The following BID variants were observed in gnomAD, a reference collection of about 807,000 sequenced individuals.
BID encodes BH3-interacting domain death agonist.
BID carries 19 observed loss-of-function variants against 17.4 expected under a neutral mutation model. The ratio of observed to expected loss-of-function variants is 1.09; its 90% CI spans 0.76 to 1.60. The LOEUF (loss-of-function observed/expected upper bound fraction) is 1.60. Ranked by LOEUF, BID falls within the 40% of genes most tolerant of loss-of-function variation. The pLI is 0.00. For synonymous variants in BID, 108 were observed against 102.8 expected (o/e 1.05, Z -0.31); for missense variants, 226 against 256.0 (o/e 0.88, Z 0.80).
chr22:17,770,610 C>G (rs902400165), intron 1 of BID, among the ~76,000 whole-genome samples: 1 of 152,232 alleles, frequency 6.6e-6, no homozygotes, highest in Non-Finnish European at 1.5e-5. Flanking sequence ...AGAAATAGAG[C>G]AACTACTGCC....
In BID at chr22:17,773,442, C is replaced by G. The variant is rs570708652; in HGVS notation, c.-59+939G>C. On this transcript the variant is annotated intron_variant, in intron 1 of 5. Transcript: ENST00000622694. This position sits in a 1 kb window ranked among gnomAD's most constrained non-coding sequence, Gnocchi z 4.4. ...AAAACCGCATCCTCTGCAGCTCCCCCACAGTGAGAGCGAGGACTGAGGGTG... is the reference window on the plus strand; with the variant it reads ...AAAACCGCATCCTCTGCAGCTCCCCGACAGTGAGAGCGAGGACTGAGGGTG... Among the ~76,000 whole-genome samples the G allele has an allele frequency of 5.9e-5, 9 of 152,302 alleles. No homozygotes were observed. The East Asian group carries it at 1.7e-3, about 29-fold the overall frequency.
In BID at chr22:17,738,074, T is replaced by G. The variant is rs765851664; in HGVS notation, c.519A>C (p.Thr173=). The change falls in exon 5 of 6, where the codon ACA becomes ACC. Residue 173 remains threonine, a synonymous_variant. Transcript: ENST00000622694. ...TPSLLRDVFH[T]TVNFINQNLR... ...GGTTCTGGTTAATAAAATTCACTGT[T>G]GTGTGAAAGACATCACGGAGCAAGG... The G allele has an allele frequency of 1.2e-6, 2 of 1,614,032 alleles. No individual in the cohort carries two copies. The highest frequency in any genetic ancestry group is 2.7e-5 in the African/African-American group (2 of 74,920).
At chr22:17,740,173 G>T (rs186707456) in intron 3 of BID, 3 of 1,611,368 alleles carry the variant, frequency 1.9e-6, no homozygotes, top group Non-Finnish European at 2.5e-6. Flanking sequence ...ATTGTCTGAC[G>T]CCCCTGCCAG....
At chr22:17,735,859 C>T (rs1331338553) in intron 5 of BID, among the ~76,000 whole-genome samples, 1 of 152,218 alleles carries the variant, frequency 6.6e-6, no homozygotes, top group East Asian at 1.9e-4. Context: ...ACGATTCTGC[C>T]TCAGCCCTCA....
chr22:17,750,417 T>C (rs1159551978), intron 1 of BID, among the ~76,000 whole-genome samples: 1 of 152,220 alleles, frequency 6.6e-6, no homozygotes, highest in East Asian at 1.9e-4. Context: ...AGCCCTCCCA[T>C]GCCGCCCCAG....
Position 17,749,890 on chromosome 22 carries a change from G to A in BID, c.12+215C>T, listed in dbSNP as rs139773029. On this transcript the variant is annotated intron_variant, in intron 2 of 5. Transcript: ENST00000622694. Reference sequence around the variant, plus strand: ...GGTGTGGAGGGGCTGCACCACAAGCGGAGTGCGAGGAAGGCGCAGGACAGG... The same window carrying A: ...GGTGTGGAGGGGCTGCACCACAAGCAGAGTGCGAGGAAGGCGCAGGACAGG... Among the ~76,000 whole-genome samples, 760 of 152,304 alleles carry A rather than the reference G, an allele frequency of 5.0e-3. 2 individuals carry two copies. Among genetic ancestry groups the A allele is most frequent in the African/African-American group, 0.017 (723 of 41,566 alleles).
intron 3 of BID, chr22:17,741,082 C>T (rs2061455803): frequency 6.6e-6 from 1 of 152,176 alleles, no homozygotes; most frequent in Non-Finnish European, 1.5e-5. Context: ...TCAAATCTCA[C>T]CTTATGTTGC....
At position 17,773,940 on chromosome 22, in the gene BID, A is replaced by G. The variant is rs939200007; in HGVS notation, c.-59+441T>C. Reference sequence around the variant, plus strand: ...AGCCGGCAGGTGTCTGCGGTGCTGGAAAGACCACGGTGTGGGCGGGGATTC... The same window carrying G: ...AGCCGGCAGGTGTCTGCGGTGCTGGGAAGACCACGGTGTGGGCGGGGATTC... On this transcript the variant is annotated intron_variant, in intron 1 of 5. Transcript: ENST00000622694. The surrounding 1 kb of genome is among the most constrained non-coding windows in gnomAD (Gnocchi z 4.4). 3.6e-5 allele frequency: 20 copies of G among 562,334 alleles called. No homozygotes were observed. Among genetic ancestry groups the G allele is most frequent in the African/African-American group, 2.1e-4 (11 of 52,272 alleles). 34.8% of individuals were successfully genotyped at this position (562,334 alleles called of 1,614,324 possible). A position where few individuals can be genotyped will look rare whatever the true frequency, so the allele number is the denominator to read the frequency against.
intron 5 of BID, among the ~76,000 whole-genome samples, chr22:17,735,829 C>T (rs1292176834): frequency 6.6e-6 from 1 of 152,036 alleles, no homozygotes; most frequent in Non-Finnish European, 1.5e-5. Flanking sequence ...TCAGGAGGCC[C>T]CTGCTGGGTC....
chr22:17,735,309 G>A lies in BID; in HGVS notation c.*271C>T. 1 of 470,066 alleles carries A rather than the reference G, an allele frequency of 2.1e-6. No homozygotes were observed. Among genetic ancestry groups the A allele is most frequent in the Non-Finnish European group, 3.8e-6 (1 of 264,456 alleles). 29.1% of individuals were successfully genotyped at this position (470,066 alleles called of 1,614,324 possible). A position where few individuals can be genotyped will look rare whatever the true frequency, so the allele number is the denominator to read the frequency against. ...CACAGTGGAAATAAAGGCACCGTGT[G>A]TAGATTTACAGATGTGCAGATTCAT... On this transcript the variant is annotated 3_prime_UTR_variant, in exon 6 of 6. Coordinates refer to ENST00000622694, the MANE Select transcript of BID (RefSeq NM_001196.4).
chr22:17,760,689 C>T (rs5747346), intron 1 of BID, among the ~76,000 whole-genome samples: 4 of 152,034 alleles, frequency 2.6e-5, no homozygotes, highest in African/African-American at 7.2e-5. Context: ...CCTGGCCCGG[C>T]GCGCTGGGGT....
intron 2 of BID, 90 bp from the exon 3 acceptor site, chr22:17,744,103 G>A: frequency 1.7e-6 from 2 of 1,206,830 alleles, no homozygotes; most frequent in Admixed American, 3.7e-5. Flanking sequence ...GGCCCAAAGA[G>A]CCTCACAGGT....
intron 1 of BID, among the ~76,000 whole-genome samples, chr22:17,760,360 A>C (rs2061628166): frequency 6.9e-6 from 1 of 145,380 alleles, no homozygotes; most frequent in African/African-American, 2.6e-5. Flanking sequence ...GCTGAGGCAG[A>C]AGAATCGCTT....
chr22:17,752,597 C>T (rs2061547625), intron 1 of BID, among the ~76,000 whole-genome samples: 1 of 152,232 alleles, frequency 6.6e-6, no homozygotes, highest in South Asian at 2.1e-4. Flanking sequence ...ACCACTAACC[C>T]CAGTGTTGGG....
chr22:17,744,867 A>C (rs1193881485), intron 2 of BID, among the ~76,000 whole-genome samples: 1 of 152,214 alleles, frequency 6.6e-6, no homozygotes, highest in Non-Finnish European at 1.5e-5. Flanking sequence ...AACACAAAGA[A>C]GGGCAGGGAC....
chr22:17,759,246 C>CAAAAAAAAAAAACA (rs747701019), intron 1 of BID, among the ~76,000 whole-genome samples: 1,347 of 114,664 alleles, frequency 0.012, 15 homozygotes, highest in African/African-American at 0.03. Context: ...AAAAACAAAA[C>CAAAAAAAAAAAACA]AAAAAAAAAA....
intron 1 of BID, among the ~76,000 whole-genome samples, chr22:17,771,069 C>G (rs1255234660): frequency 6.6e-6 from 1 of 152,236 alleles, no homozygotes; most frequent in East Asian, 1.9e-4. Flanking sequence ...AGCCCCCTTT[C>G]AGGTCTGGTC....
chr22:17,736,367 G>A (rs1435797457), intron 5 of BID, among the ~76,000 whole-genome samples: 3 of 151,224 alleles, frequency 2.0e-5, no homozygotes, highest in Non-Finnish European at 4.4e-5. Flanking sequence ...TGAGGCAGGA[G>A]AATCGCTTGA....
intron 1 of BID, among the ~76,000 whole-genome samples, chr22:17,754,544 T>C (rs1408181395): frequency 6.6e-6 from 1 of 152,232 alleles, no homozygotes; most frequent in Non-Finnish European, 1.5e-5. Flanking sequence ...AAGCCAAATG[T>C]CCTGGAACTC....
Sources: gnomAD v4.1 joint callset for allele counts (sites outside exome capture counted in the v4.1 genomes callset) on GRCh38, gnomAD v4.1.1 for gene constraint, Gnocchi (gnomAD v3.1) non-coding constraint, MANE v1.5 for transcripts, NCBI Gene and HGNC (gene_info 2026-07-23, HGNC 2026-07-21) for gene names.